Variants in PRKD3 observed in about 807,000 individuals in gnomAD.
PRKD3 encodes serine/threonine-protein kinase D3.
A neutral mutation model predicts 99.2 loss-of-function variants in PRKD3; 47 were observed. That is an observed-to-expected ratio of 0.47 (90% CI 0.38 to 0.60). The LOEUF (loss-of-function observed/expected upper bound fraction) is 0.60, where lower values mean the gene tolerates loss of function less well. PRKD3 is among the 20% of genes least tolerant of loss of function. The probability of loss-of-function intolerance (pLI) is 0.00; values close to 1 mark genes in which losing one functional copy is unlikely to be tolerated. For missense variants in PRKD3, 1,019 were observed against 1,088.4 expected (o/e 0.94, Z 0.90); for synonymous variants, 392 against 355.4 (o/e 1.10, Z -1.16).
rs56389006 is a variant in PRKD3 at position 37,256,628 on chromosome 2, A to ATTTTTTTTTTTTTTTTT, written c.2413+17_2413+33dup. On this transcript the variant is annotated intron_variant, in intron 17 of 18. Coordinates refer to ENST00000234179, the MANE Select transcript of PRKD3 (RefSeq NM_005813.6). Reference sequence around the variant, plus strand: ...TTTAGGCTTAAAACACATAGCCAAAATTTTTTTTTTTTTTTTTTTTTTTTT... The same window carrying ATTTTTTTTTTTTTTTTT: ...TTTAGGCTTAAAACACATAGCCAAAATTTTTTTTTTTTTTTTTTTTTTTTTTTTTTTTTTTTTTTTTT... 5 of 1,202,302 alleles carry ATTTTTTTTTTTTTTTTT rather than the reference A, an allele frequency of 4.2e-6. No individual in the cohort carries two copies. In the East Asian group the frequency reaches 1.6e-4, roughly 38 times the overall value. 74.5% of individuals were successfully genotyped at this position (1,202,302 alleles called of 1,614,324 possible). A position where few individuals can be genotyped will look rare whatever the true frequency, so the allele number is the denominator to read the frequency against.
intron 12 of PRKD3, among the ~76,000 whole-genome samples, chr2:37,270,074 A>G (rs903567505): frequency 1.2e-4 from 18 of 152,042 alleles, no homozygotes; most frequent in Non-Finnish European, 2.2e-4. Context: ...CTAAAAATAC[A>G]AGATTAGCCA....
chr2:37,284,827 A>G (rs114148472), intron 6 of PRKD3, among the ~76,000 whole-genome samples: 51 of 152,262 alleles, frequency 3.3e-4, no homozygotes, highest in African/African-American at 1.2e-3. Flanking sequence ...GTTTTAGGGT[A>G]CATGTGCACA....
At chr2:37,303,622 C>T (rs1378865296) in intron 2 of PRKD3, among the ~76,000 whole-genome samples, 3 of 152,166 alleles carry the variant, frequency 2.0e-5, no homozygotes, top group Middle Eastern at 6.8e-3. Flanking sequence ...ATGTTCCCTC[C>T]CAAAAGAGGT....
intron 3 of PRKD3, among the ~76,000 whole-genome samples, chr2:37,292,153 T>G (rs1670458781): frequency 6.6e-6 from 1 of 152,126 alleles, no homozygotes; most frequent in Non-Finnish European, 1.5e-5. Flanking sequence ...TTTTCCTGAT[T>G]CTCTTTTCTA....
At chr2:37,260,499 C>A in intron 14 of PRKD3, 115 bp from the exon 15 acceptor site, 2 of 923,896 alleles carry the variant, frequency 2.2e-6, no homozygotes, top group African/African-American at 1.7e-5. Context: ...GAGAAGTAAA[C>A]AAAGCAAACA....
intron 15 of PRKD3, 96 bp downstream of exon 15, chr2:37,260,127 G>T: frequency 8.8e-7 from 1 of 1,136,946 alleles, no homozygotes; most frequent in East Asian, 2.6e-5. Flanking sequence ...TTGCACCACT[G>T]CACTCCAGCC....
At chr2:37,293,968 T>C (rs543666590) in intron 2 of PRKD3, among the ~76,000 whole-genome samples, 2 of 152,368 alleles carry the variant, frequency 1.3e-5, no homozygotes, top group East Asian at 3.9e-4. Context: ...GCCAAATTTG[T>C]AGCCCAATTT....
intron 2 of PRKD3, among the ~76,000 whole-genome samples, chr2:37,297,380 A>C (rs1302368271): frequency 6.6e-6 from 1 of 152,158 alleles, no homozygotes; most frequent in Non-Finnish European, 1.5e-5. Context: ...GTAGACAATA[A>C]ATAGTACAGA....
intron 14 of PRKD3, among the ~76,000 whole-genome samples, chr2:37,266,411 T>TG (rs1450871660): frequency 3.3e-5 from 5 of 151,452 alleles, no homozygotes; most frequent in Admixed American, 6.6e-5. Context: ...CTGCAACCTC[T>TG]GCCTCCCAGG....
intron 2 of PRKD3, among the ~76,000 whole-genome samples, chr2:37,295,354 G>C (rs1171377302): frequency 6.6e-6 from 1 of 152,192 alleles, no homozygotes; most frequent in Non-Finnish European, 1.5e-5. Context: ...GAGGGATTCA[G>C]TATGATACTT....
intron 9 of PRKD3, among the ~76,000 whole-genome samples, chr2:37,277,118 G>C (rs1669612753): frequency 6.6e-6 from 1 of 152,042 alleles, no homozygotes; most frequent in Non-Finnish European, 1.5e-5. Flanking sequence ...TTATTAGAAA[G>C]CTTGTTTCAA....
At chr2:37,271,747 A>G (rs1399075707) in intron 12 of PRKD3, among the ~76,000 whole-genome samples, 1 of 152,198 alleles carries the variant, frequency 6.6e-6, no homozygotes, top group African/African-American at 2.4e-5. Context: ...TTCCGAAACC[A>G]TCTCCCAACC....
intron 2 of PRKD3, among the ~76,000 whole-genome samples, chr2:37,297,864 G>C (rs1670742153): frequency 6.6e-6 from 1 of 152,040 alleles, no homozygotes; most frequent in African/African-American, 2.4e-5. Context: ...TGTTTGTCAG[G>C]TTTCTCCACT....
chr2:37,300,675 T>C (rs1483159463), intron 2 of PRKD3, among the ~76,000 whole-genome samples: 4 of 151,990 alleles, frequency 2.6e-5, no homozygotes, highest in East Asian at 1.9e-4. Context: ...TCCAGAAAAA[T>C]AGAAATAAAA....
chr2:37,298,590 T>C (rs1041443381), intron 2 of PRKD3, among the ~76,000 whole-genome samples: 1 of 152,282 alleles, frequency 6.6e-6, no homozygotes, highest in South Asian at 2.1e-4. Flanking sequence ...AGTGTCCTTT[T>C]CAATTTTTTT....
chr2:37,264,979 G>A (rs1162377281), intron 14 of PRKD3, among the ~76,000 whole-genome samples: 6 of 151,966 alleles, frequency 3.9e-5, no homozygotes, highest in African/African-American at 1.2e-4. Flanking sequence ...CCTTGCCACC[G>A]GAAAGGCCAA....
Position 37,254,291 on chromosome 2 carries a change from T to A in PRKD3, c.2414-2A>T, listed in dbSNP as rs750701320. ...GCAGATTGTTTATCAGATCAATTGC[T>A]AAGGGAAAAGACAAAACAAGATACA... On this transcript the variant is annotated splice_acceptor_variant, in intron 17 of 18. Coordinates refer to ENST00000234179, the MANE Select transcript of PRKD3 (RefSeq NM_005813.6). LOFTEE classifies it high-confidence loss of function. 1.2e-6 allele frequency: 2 copies of A among 1,611,290 alleles called. No individual in the cohort carries two copies. The highest frequency in any genetic ancestry group is 1.7e-6 in the Non-Finnish European group (2 of 1,177,482).
intron 17 of PRKD3, 62 bp from the exon 18 acceptor site, chr2:37,254,351 A>T (rs941808832): frequency 1.5e-6 from 2 of 1,315,840 alleles, no homozygotes; most frequent in African/African-American, 2.9e-5. Context: ...CAAACTTGTG[A>T]CTGCCTAGAA....
chr2:37,267,321 T>C, intron 14 of PRKD3, 109 bp downstream of exon 14: 1 of 708,352 alleles, frequency 1.4e-6, no homozygotes, highest in South Asian at 2.0e-5. Flanking sequence ...AATGCCTATA[T>C]TACCATAATC....
Sources: allele counts gnomAD v4.1 joint callset (sites outside exome capture counted in the v4.1 genomes callset), GRCh38; gene constraint gnomAD v4.1.1; transcripts MANE v1.5; gene names NCBI Gene and HGNC (gene_info 2026-07-23, HGNC 2026-07-21).